CAMKK2: variants seen among roughly 807,000 people sequenced by gnomAD.
The protein encoded by CAMKK2 is calcium/calmodulin dependent protein kinase kinase 2.
CAMKK2 carries 30 observed loss-of-function variants against 67.2 expected under a neutral mutation model. The observed-to-expected ratio is 0.45, with a 90% CI of 0.33 to 0.61. The LOEUF (loss-of-function observed/expected upper bound fraction) is 0.61. CAMKK2 is among the 20% of genes least tolerant of loss of function. CAMKK2 has a pLI of 0.02. For missense variants in CAMKK2, 643 were observed against 802.0 expected (o/e 0.80, Z 2.39); for synonymous variants, 322 against 326.2 (o/e 0.99, Z 0.14).
At chr12:121,264,811 A>C (rs1461673212) in intron 5 of CAMKK2, among the ~76,000 whole-genome samples, 1 of 148,462 alleles carries the variant, frequency 6.7e-6, no homozygotes, top group Non-Finnish European at 1.5e-5. Flanking sequence ...AATAATAATA[A>C]TCACAAAAAA....
chr12:121,257,075 G>A (rs190746170), intron 7 of CAMKK2, among the ~76,000 whole-genome samples: 1 of 151,906 alleles, frequency 6.6e-6, no homozygotes, highest in Admixed American at 6.6e-5. Context: ...TGACTCTGGG[G>A]TTGCTTGTTG....
chr12:121,266,432 G>A (rs11065516), intron 5 of CAMKK2, among the ~76,000 whole-genome samples: 1,949 of 152,116 alleles, frequency 0.013, 54 homozygotes, highest in African/African-American at 0.044. Context: ...TAATAGTGAC[G>A]TGAGGATTAT....
At position 121,249,990 on chromosome 12, in the gene CAMKK2, G is replaced by A; in HGVS notation, c.1206C>T (p.Ile402=). The A allele has an allele frequency of 3.1e-6, 5 of 1,614,092 alleles. No individual in the cohort carries two copies. Among genetic ancestry groups the A allele is most frequent in the Non-Finnish European group, 4.2e-6 (5 of 1,179,994 alleles). ...DERIMCLHSK[I]KSQALEFPDQ... The stretch of plus-strand genomic sequence containing the variant: ...CTGGAAATTCCAGGGCCTGACTCTT[G>A]ATCTTACTGTGTAAACACATGATCC... The change falls in exon 12 of 17, where the codon ATC becomes ATT. Residue 402 remains isoleucine, a synonymous_variant. Transcript: ENST00000404169.
chr12:121,242,888 G>A (rs1433356528), intron 16 of CAMKK2, among the ~76,000 whole-genome samples: 103 of 152,008 alleles, frequency 6.8e-4, no homozygotes, highest in Middle Eastern at 3.4e-3. Flanking sequence ...GACTACAGGC[G>A]CCCGCCACCG....
intron 9 of CAMKK2, among the ~76,000 whole-genome samples, chr12:121,254,180 C>T (rs774607461): frequency 3.6e-4 from 55 of 152,096 alleles, no homozygotes; most frequent in Admixed American, 3.9e-4. Context: ...ACGTGGTGGC[C>T]GGGCACGGTG....
chr12:121,260,252 G>C, intron 7 of CAMKK2, 67 bp downstream of exon 7: 1 of 1,396,170 alleles, frequency 7.2e-7, no homozygotes, highest in Non-Finnish European at 9.8e-7. Context: ...GCTGCCTCGA[G>C]AGGACCCCTG....
At chr12:121,288,143 C>T (rs1187933698) in intron 1 of CAMKK2, among the ~76,000 whole-genome samples, 2 of 152,148 alleles carry the variant, frequency 1.3e-5, no homozygotes, top group African/African-American at 2.4e-5. Flanking sequence ...CCTTCCTCTT[C>T]CCCCACTGCA....
intron 1 of CAMKK2, among the ~76,000 whole-genome samples, chr12:121,295,160 C>T (rs554117969): frequency 2.6e-5 from 4 of 152,108 alleles, no homozygotes; most frequent in African/African-American, 4.8e-5. Context: ...ACAGAGACTC[C>T]GTCTCAAAAT....
intron 13 of CAMKK2, among the ~76,000 whole-genome samples, chr12:121,249,078 T>G (rs959880051): frequency 2.0e-5 from 3 of 152,204 alleles, no homozygotes; most frequent in Non-Finnish European, 4.4e-5. Flanking sequence ...GGAGGCTCAG[T>G]GCACAGCAGG....
chr12:121,269,937 C>A lies in CAMKK2; in HGVS notation c.520-356G>T, dbSNP rs531265222. 161 of 189,216 alleles carry A rather than the reference C, an allele frequency of 8.5e-4. 1 individual carries two copies. The highest frequency in any genetic ancestry group is 1.5e-3 in the South Asian group (14 of 9,096). The allele number at this position is 189,216 out of a possible 1,614,324, so 11.7% of individuals were successfully genotyped here. On this transcript the variant is annotated intron_variant, in intron 3 of 16. Coordinates refer to ENST00000404169, the MANE Select transcript of CAMKK2 (RefSeq NM_001270485.2). ...TGGTAGCAGGCACCTGTAATCCCAG[C>A]TACTCAGGGGGCTGAGGCTTGAGAA... is the stretch of plus-strand genomic sequence containing the variant.
intron 5 of CAMKK2, among the ~76,000 whole-genome samples, chr12:121,265,357 G>T (rs112385156): frequency 7.3e-6 from 1 of 136,892 alleles, no homozygotes; most frequent in Non-Finnish European, 1.6e-5. Flanking sequence ...GGAGAGAGGG[G>T]AAAGTGGTAG....
chr12:121,264,446 G>A (rs1259387236), intron 5 of CAMKK2, among the ~76,000 whole-genome samples: 1 of 152,038 alleles, frequency 6.6e-6, no homozygotes, highest in East Asian at 1.9e-4. Flanking sequence ...AGACCAGCCT[G>A]GGCAACACGG....
intron 1 of CAMKK2, among the ~76,000 whole-genome samples, chr12:121,276,604 T>G (rs1896856581): frequency 1.3e-5 from 2 of 152,152 alleles, no homozygotes; most frequent in South Asian, 4.1e-4. Flanking sequence ...ACCACTGGAA[T>G]TCAGGGAGTA....
At chr12:121,252,621 AC>A in intron 11 of CAMKK2, 39 bp downstream of exon 11, 1 of 1,586,916 alleles carries the variant, frequency 6.3e-7, no homozygotes, top group South Asian at 1.1e-5. Context: ...CCCAGGGGCC[AC>A]CCAGCAGTAC....
At chr12:121,276,811 G>A (rs1343581331) in intron 1 of CAMKK2, among the ~76,000 whole-genome samples, 1 of 150,538 alleles carries the variant, frequency 6.6e-6, no homozygotes, top group East Asian at 2.0e-4. Context: ...GCTTGAACCT[G>A]GGAGGCGGAG....
At chr12:121,288,703 G>A (rs1372586981) in intron 1 of CAMKK2, among the ~76,000 whole-genome samples, 1 of 151,976 alleles carries the variant, frequency 6.6e-6, no homozygotes, top group Non-Finnish European at 1.5e-5. Flanking sequence ...TGGGCAGAGG[G>A]GCAACACCTT....
chr12:121,249,724 C>CTGGCTGAGGCA (rs1034542913), intron 13 of CAMKK2, 63 bp downstream of exon 13: 2 of 1,337,438 alleles, frequency 1.5e-6, no homozygotes, highest in African/African-American at 1.4e-5. Context: ...GGTGTGGGGT[C>CTGGCTGAGGCA]TGGCTGAGGC....
rs181486026 is a variant in CAMKK2, at chr12:121,238,067, C to T, written c.*2632G>A. 2.5e-4 allele frequency: 38 copies of T among 152,718 alleles called. No homozygotes were observed. The highest frequency in any genetic ancestry group is 8.7e-4 in the African/African-American group (36 of 41,576). The allele number at this position is 152,718 out of a possible 1,614,324, so 9.5% of individuals were successfully genotyped here. ...GACAAGTGAGAGCGACAGGCCAGGC[C>T]TGTGTGTCCACCTGCACAGGCATTC... On this transcript the variant is annotated 3_prime_UTR_variant, in exon 17 of 17. Coordinates refer to ENST00000404169, the MANE Select transcript of CAMKK2 (RefSeq NM_001270485.2).
chr12:121,250,159 G>A lies in CAMKK2; in HGVS notation c.1162-125C>T, dbSNP rs1487629414. 9 of 760,236 alleles carry A rather than the reference G, an allele frequency of 1.2e-5. No individual in the cohort carries two copies. In the African/African-American group the frequency reaches 1.2e-4, roughly 10 times the overall value. The allele number at this position is 760,236 out of a possible 1,614,324, so 47.1% of individuals were successfully genotyped here. ...AATCAACAATTGCGGCCCAGGCTAG[G>A]GGGCAAGCAGTTCCCATTCTCCCCG... On this transcript the variant is annotated intron_variant, in intron 11 of 16. Transcript: ENST00000404169.
Sources: gnomAD v4.1 joint callset for allele counts (sites outside exome capture counted in the v4.1 genomes callset) on GRCh38, gnomAD v4.1.1 for gene constraint, MANE v1.5 for transcripts, NCBI Gene and HGNC (gene_info 2026-07-23, HGNC 2026-07-21) for gene names.